ERCC8: variants seen among roughly 807,000 people sequenced by gnomAD.
The protein encoded by ERCC8 is DNA excision repair protein ERCC-8.
In ERCC8, 52 loss-of-function variants were observed where a neutral mutation model predicts 54.9. The observed-to-expected ratio is 0.95, with a 90% CI of 0.76 to 1.19. ERCC8 has a LOEUF of 1.19. ERCC8 is among the 50% of genes most tolerant of loss of function. ERCC8 has a pLI of 0.00. For missense variants in ERCC8, 514 were observed against 466.1 expected, an observed-to-expected ratio of 1.10 and a Z score of -0.95; for synonymous variants, 146 against 157.2, an observed-to-expected ratio of 0.93 and a Z score of 0.53.
At chr5:60,903,312 T>C (rs1748953618) in intron 6 of ERCC8, 1 of 205,866 alleles carries the variant, frequency 4.9e-6, no homozygotes, top group African/African-American at 2.4e-5. Context: ...CAATGTTTAC[T>C]CATTAGCCAG....
Position 60,869,780 on chromosome 5 carries a change from T to G in ERCC8, c.*4835A>C, listed in dbSNP as rs1037082375. Among the ~76,000 whole-genome samples, 1 of 152,108 alleles carries G rather than the reference T, an allele frequency of 6.6e-6. No homozygotes were observed. Among genetic ancestry groups the G allele is most frequent in the Non-Finnish European group, 1.5e-5 (1 of 68,032 alleles). ...TACATATTTTTTTAAAACTAGGCAT[T>G]TCATAGGTGTACCATAATGACTAGT... On this transcript the variant is annotated 3_prime_UTR_variant, in exon 12 of 12. Coordinates refer to ENST00000676185, the MANE Select transcript of ERCC8 (RefSeq NM_000082.4).
intron 1 of ERCC8, among the ~76,000 whole-genome samples, chr5:60,939,807 T>C (rs921406643): frequency 6.6e-6 from 1 of 152,216 alleles, no homozygotes; most frequent in Non-Finnish European, 1.5e-5. Context: ...GTAGGTATCA[T>C]TCCAGTGTTT....
chr5:60,890,001 A>T (rs1748502303), intron 10 of ERCC8, among the ~76,000 whole-genome samples: 1 of 152,038 alleles, frequency 6.6e-6, no homozygotes, highest in Non-Finnish European at 1.5e-5. Context: ...CTGAGGCTGG[A>T]GGTCGCTTGG....
intron 10 of ERCC8, among the ~76,000 whole-genome samples, chr5:60,888,240 G>A (rs1320246565): frequency 6.6e-6 from 1 of 152,050 alleles, no homozygotes; most frequent in African/African-American, 2.4e-5. Context: ...GTAAGGATGT[G>A]GGAAAAGGGA....
chr5:60,891,232 C>A, intron 9 of ERCC8, 146 bp from the exon 10 acceptor site: 1 of 622,826 alleles, frequency 1.6e-6, no homozygotes, highest in South Asian at 2.0e-5. Context: ...AGAACAAGGG[C>A]CAATGACATG....
intron 4 of ERCC8, among the ~76,000 whole-genome samples, chr5:60,911,697 T>C (rs1222510143): frequency 6.6e-6 from 1 of 152,112 alleles, no homozygotes; most frequent in African/African-American, 2.4e-5. Flanking sequence ...CTGCCTAGGT[T>C]TTCTTCTGGG....
chr5:60,921,643 A>G (rs1282122611), intron 3 of ERCC8, among the ~76,000 whole-genome samples: 4 of 151,848 alleles, frequency 2.6e-5, no homozygotes, highest in Non-Finnish European at 5.9e-5. Context: ...TATGTTTAGT[A>G]TATCTAAACC....
chr5:60,874,972 T>C (rs1181373161), intron 11 of ERCC8, among the ~76,000 whole-genome samples: 1 of 152,224 alleles, frequency 6.6e-6, no homozygotes, highest in African/African-American at 2.4e-5. Context: ...ACTATGATGC[T>C]GCCATTGCTC....
At chr5:60,882,474 A>T (rs1223037433) in intron 11 of ERCC8, among the ~76,000 whole-genome samples, 1 of 152,164 alleles carries the variant, frequency 6.6e-6, no homozygotes, top group East Asian at 1.9e-4. Flanking sequence ...GGCTCTCTGC[A>T]ACCTCTGCCC....
Position 60,913,612 on chromosome 5 carries a change from AGT to A in ERCC8, c.399+4651_399+4652del, listed in dbSNP as rs1440930151. 2.6e-4 allele frequency among the ~76,000 whole-genome samples: 40 copies of A among 151,918 alleles called. 1 individual carries two copies. Among genetic ancestry groups the A allele is most frequent in the Non-Finnish European group, 1.3e-4 (9 of 68,006 alleles). Reference sequence around the variant, plus strand: ...CTTCCTTCAGTTCTACTCTGATCTTAGTTATTTCTTGGCTTCTGCTAACTTTT... The same window carrying A: ...CTTCCTTCAGTTCTACTCTGATCTTATATTTCTTGGCTTCTGCTAACTTTT... On this transcript the variant is annotated intron_variant, in intron 4 of 11. Transcript: ENST00000676185.
chr5:60,917,967 G>C (rs944414862), intron 4 of ERCC8: 2 of 371,992 alleles, frequency 5.4e-6, no homozygotes, highest in African/African-American at 4.2e-5. Flanking sequence ...TATATGCTAT[G>C]TACTGTACTA....
At chr5:60,878,419 T>C (rs2112458154) in intron 11 of ERCC8, among the ~76,000 whole-genome samples, 1 of 152,356 alleles carries the variant, frequency 6.6e-6, no homozygotes, top group Non-Finnish European at 1.5e-5. Context: ...TCTTTTTCTA[T>C]TGATTGGAAT....
At position 60,869,802 on chromosome 5, in the gene ERCC8, T is replaced by C. The variant is rs552833339; in HGVS notation, c.*4813A>G. 6.6e-6 allele frequency among the ~76,000 whole-genome samples: 1 copy of C among 150,858 alleles called. No individual in the cohort carries two copies. The highest frequency in any genetic ancestry group is 2.5e-5 in the African/African-American group (1 of 40,142). On this transcript the variant is annotated 3_prime_UTR_variant, in exon 12 of 12. Coordinates refer to ENST00000676185, the MANE Select transcript of ERCC8 (RefSeq NM_000082.4). The stretch of plus-strand genomic sequence containing the variant: ...CATTTCATAGGTGTACCATAATGAC[T>C]AGTTAAAAATGGAATCAAAGTGAAG...
At chr5:60,897,053 C>T (rs1054104755) in intron 9 of ERCC8, among the ~76,000 whole-genome samples, 1 of 152,132 alleles carries the variant, frequency 6.6e-6, no homozygotes, top group Non-Finnish European at 1.5e-5. Flanking sequence ...CCTTCATATT[C>T]CAACGCAAGA....
At chr5:60,937,976 T>C (rs1750117281) in intron 1 of ERCC8, among the ~76,000 whole-genome samples, 2 of 150,640 alleles carry the variant, frequency 1.3e-5, no homozygotes, top group Admixed American at 1.3e-4. Flanking sequence ...GATGGCTACA[T>C]ATTCTTTTTG....
At chr5:60,937,813 G>A (rs991436904) in intron 1 of ERCC8, among the ~76,000 whole-genome samples, 18 of 151,994 alleles carry the variant, frequency 1.2e-4, no homozygotes, top group Non-Finnish European at 1.6e-4. Context: ...GATCCTCTCC[G>A]CTTTCCTGGA....
At chr5:60,892,901 G>C in intron 9 of ERCC8, 2 of 729,300 alleles carry the variant, frequency 2.7e-6, no homozygotes, top group African/African-American at 1.7e-5. Flanking sequence ...GGCCTACAAT[G>C]TCCATATGGA....
At chr5:60,897,357 G>A (rs1405384606) in intron 9 of ERCC8, among the ~76,000 whole-genome samples, 1 of 152,150 alleles carries the variant, frequency 6.6e-6, no homozygotes, top group African/African-American at 2.4e-5. Context: ...ATTGATTGAT[G>A]CCTTTCATAC....
intron 1 of ERCC8, among the ~76,000 whole-genome samples, chr5:60,935,429 C>T (rs1486226139): frequency 1.3e-5 from 2 of 152,104 alleles, no homozygotes; most frequent in Non-Finnish European, 2.9e-5. Flanking sequence ...GTTCTAGGAG[C>T]TTTTTGGATG....
Sources: gnomAD v4.1 joint callset for allele counts (sites outside exome capture counted in the v4.1 genomes callset) on GRCh38, gnomAD v4.1.1 for gene constraint, MANE v1.5 for transcripts, NCBI Gene and HGNC (gene_info 2026-07-23, HGNC 2026-07-21) for gene names.